The following EVA1A variants were observed in gnomAD, a reference collection of about 807,000 sequenced individuals.
The protein encoded by EVA1A is protein eva-1 homolog A.
EVA1A carries 7 observed loss-of-function variants against 9.8 expected under a neutral mutation model. That is an observed-to-expected ratio of 0.71 (90% CI 0.41 to 1.34). The LOEUF (loss-of-function observed/expected upper bound fraction) is 1.34. EVA1A is among the 40% of genes most tolerant of loss of function. The probability of loss-of-function intolerance (pLI) is 0.01; values close to 1 mark genes in which losing one functional copy is unlikely to be tolerated. For synonymous variants in EVA1A, 90 were observed against 85.6 expected (o/e 1.05, Z -0.28); for missense variants, 206 against 205.9 (o/e 1.00, Z 0.00).
Position 75,532,159 on chromosome 2 carries a change from CAAAAAAAAAAAA to C in EVA1A, c.-191-9684_-191-9673del, listed in dbSNP as rs543115764. On this transcript the variant is annotated intron_variant, in intron 1 of 3. Transcript: ENST00000393913. Reference sequence around the variant, plus strand: ...TGGGTGACAGAGTGAGACTCTGTCTCAAAAAAAAAAAAAAAAAAAAAAAAAAAAAGCTTATCC... The same window carrying C: ...TGGGTGACAGAGTGAGACTCTGTCTCAAAAAAAAAAAAAAAAAGCTTATCC... Among the ~76,000 whole-genome samples the C allele has an allele frequency of 5.4e-3, 311 of 57,854 alleles. 4 individuals carry two copies. The highest frequency in any genetic ancestry group is 0.019 in the Middle Eastern group (1 of 54). 38.0% of individuals were successfully genotyped at this position (57,854 alleles called of 152,430 possible). A position where few individuals can be genotyped will look rare whatever the true frequency, so the allele number is the denominator to read the frequency against.
At chr2:75,550,980 A>G (rs10173694) in intron 1 of EVA1A, among the ~76,000 whole-genome samples, 114,084 of 152,044 alleles carry the variant, frequency 0.75, 43,686 homozygotes, top group African/African-American at 0.9. Context: ...AAAATTAGCC[A>G]GGCATAGTAG....
In EVA1A at chr2:75,548,983, A is replaced by AAT. The variant is rs71403226; in HGVS notation, c.-192+11695_-192+11696dup. 7.3e-3 allele frequency among the ~76,000 whole-genome samples: 981 copies of AAT among 133,630 alleles called. 11 individuals carry two copies. The highest frequency in any genetic ancestry group is 0.015 in the East Asian group (68 of 4,660). The allele number at this position is 133,630 out of a possible 152,430, so 87.7% of individuals were successfully genotyped here. A position where few individuals can be genotyped will look rare whatever the true frequency, so the allele number is the denominator to read the frequency against. ...TGAACTGATGACTGGCTAAATGAAA[A>AAT]ATATATATATATATATATATATATA... On this transcript the variant is annotated intron_variant, in intron 1 of 3. Coordinates refer to ENST00000393913, the MANE Select transcript of EVA1A (RefSeq NM_001135032.2).
In EVA1A at chr2:75,493,110, C is replaced by A. The variant is rs1290648936; in HGVS notation, c.*126G>T. 6.7e-6 allele frequency: 9 copies of A among 1,347,078 alleles called. No homozygotes were observed. Among genetic ancestry groups the A allele is most frequent in the Middle Eastern group, 5.5e-4 (2 of 3,662 alleles). The allele number at this position is 1,347,078 out of a possible 1,614,324, so 83.4% of individuals were successfully genotyped here. ...GCAATCCTCCTGGCTAGAAAAGGGG[C>A]ATGTCCTGCTTTTTCTCTGAAATCA... On this transcript the variant is annotated 3_prime_UTR_variant, in exon 4 of 4. Coordinates refer to ENST00000393913, the MANE Select transcript of EVA1A (RefSeq NM_001135032.2).
chr2:75,530,270 TA>T lies in EVA1A; in HGVS notation c.-191-7784del, dbSNP rs549461473. Among the ~76,000 whole-genome samples, 321 of 143,818 alleles carry T rather than the reference TA, an allele frequency of 2.2e-3. 1 individual carries two copies. Among genetic ancestry groups the T allele is most frequent in the Non-Finnish European group, 2.9e-3 (189 of 64,996 alleles). 94.4% of individuals were successfully genotyped at this position (143,818 alleles called of 152,430 possible). A position where few individuals can be genotyped will look rare whatever the true frequency, so the allele number is the denominator to read the frequency against. On this transcript the variant is annotated intron_variant, in intron 1 of 3. Transcript: ENST00000393913. Reference sequence around the variant, plus strand: ...GAAACAATAACAAAAAAGTTGCCAATAAAAAAAAAAATCCAGGACCAGATGG... The same window carrying T: ...GAAACAATAACAAAAAAGTTGCCAATAAAAAAAAAATCCAGGACCAGATGG...
chr2:75,507,441 A>G (rs989459538), intron 3 of EVA1A, among the ~76,000 whole-genome samples: 1 of 152,080 alleles, frequency 6.6e-6, no homozygotes, highest in East Asian at 1.9e-4. Context: ...TTCCAAGTAG[A>G]ATTTCTAGAA....
chr2:75,497,785 A>G (rs1349529365), intron 3 of EVA1A, among the ~76,000 whole-genome samples: 1 of 133,902 alleles, frequency 7.5e-6, no homozygotes, highest in Non-Finnish European at 1.5e-5. Context: ...AGGGAAGTAG[A>G]GGCTACAGTG....
chr2:75,498,416 C>A (rs1415380578), intron 3 of EVA1A, among the ~76,000 whole-genome samples: 2 of 152,078 alleles, frequency 1.3e-5, no homozygotes, highest in South Asian at 4.2e-4. Context: ...CATTCGTACA[C>A]CAAACCTCAG....
At chr2:75,549,360 T>G (rs1009180363) in intron 1 of EVA1A, among the ~76,000 whole-genome samples, 1 of 152,142 alleles carries the variant, frequency 6.6e-6, no homozygotes. Context: ...CACACCTTCC[T>G]GGGGAAGCAC....
At chr2:75,517,844 G>C (rs535077497) in intron 3 of EVA1A, 2 of 734,090 alleles carry the variant, frequency 2.7e-6, no homozygotes, top group South Asian at 1.5e-5. Flanking sequence ...GCAAGACAAA[G>C]CTCTTAGAAC....
In EVA1A at chr2:75,505,348, C is replaced by T. The variant is rs146240773; in HGVS notation, c.86-11739G>A. Among the ~76,000 whole-genome samples, 328 of 152,288 alleles carry T rather than the reference C, an allele frequency of 2.2e-3. 2 individuals carry two copies. Among genetic ancestry groups the T allele is most frequent in the African/African-American group, 7.0e-3 (291 of 41,560 alleles). On this transcript the variant is annotated intron_variant, in intron 3 of 3. Transcript: ENST00000393913. Reference sequence around the variant, plus strand: ...CACGTGACAGTGAGGAATCTGAAGGCAGAATCCATATGATTGATTCACTTT... The same window carrying T: ...CACGTGACAGTGAGGAATCTGAAGGTAGAATCCATATGATTGATTCACTTT...
chr2:75,549,008 ATTTTTTTT>A (rs10552575), intron 1 of EVA1A, among the ~76,000 whole-genome samples: 1 of 85,380 alleles, frequency 1.2e-5, no homozygotes, highest in African/African-American at 3.7e-5. Flanking sequence ...ATATATATAT[ATTTTTTTT>A]TTTTTTACTA....
At chr2:75,523,751 T>C (rs1269330275) in intron 1 of EVA1A, among the ~76,000 whole-genome samples, 3 of 152,196 alleles carry the variant, frequency 2.0e-5, no homozygotes, top group African/African-American at 4.8e-5. Flanking sequence ...TTCTTATCTT[T>C]GTTCTCAGAG....
At chr2:75,503,967 G>A (rs577934801) in intron 3 of EVA1A, among the ~76,000 whole-genome samples, 10 of 152,148 alleles carry the variant, frequency 6.6e-5, no homozygotes, top group Admixed American at 1.3e-4. Flanking sequence ...AAAATTTCAC[G>A]TGTGCTCCAT....
At chr2:75,528,586 C>G (rs1223744980) in intron 1 of EVA1A, among the ~76,000 whole-genome samples, 1 of 152,202 alleles carries the variant, frequency 6.6e-6, no homozygotes, top group Non-Finnish European at 1.5e-5. Context: ...CTGAGAACCA[C>G]TGCCCCGTCC....
intron 1 of EVA1A, among the ~76,000 whole-genome samples, chr2:75,537,576 C>T (rs1675959066): frequency 6.6e-6 from 1 of 152,046 alleles, no homozygotes; most frequent in South Asian, 2.1e-4. Context: ...AGGAATTTAC[C>T]CAAAAAACCT....
At chr2:75,503,217 A>G (rs924861678) in intron 3 of EVA1A, among the ~76,000 whole-genome samples, 4 of 152,142 alleles carry the variant, frequency 2.6e-5, no homozygotes, top group African/African-American at 9.7e-5. Context: ...CTTTTCCCAC[A>G]AAATTCAAAA....
chr2:75,493,119 C>T lies in EVA1A; in HGVS notation c.*117G>A. 1 of 1,433,468 alleles carries T rather than the reference C, an allele frequency of 7.0e-7. No individual in the cohort carries two copies. Among genetic ancestry groups the T allele is most frequent in the Non-Finnish European group, 9.4e-7 (1 of 1,066,408 alleles). 88.8% of individuals were successfully genotyped at this position (1,433,468 alleles called of 1,614,324 possible). A position where few individuals can be genotyped will look rare whatever the true frequency, so the allele number is the denominator to read the frequency against. Reference sequence around the variant, plus strand: ...CTGGCTAGAAAAGGGGCATGTCCTGCTTTTTCTCTGAAATCACAATATTAG... The same window carrying T: ...CTGGCTAGAAAAGGGGCATGTCCTGTTTTTTCTCTGAAATCACAATATTAG... On this transcript the variant is annotated 3_prime_UTR_variant, in exon 4 of 4. Transcript: ENST00000393913.
intron 2 of EVA1A, among the ~76,000 whole-genome samples, chr2:75,521,272 T>C (rs1675221376): frequency 6.6e-6 from 1 of 152,204 alleles, no homozygotes. Flanking sequence ...GAAAATAGGA[T>C]GACTATTCCT....
chr2:75,533,252 GA>G (rs1675741405), intron 1 of EVA1A, among the ~76,000 whole-genome samples: 2 of 151,900 alleles, frequency 1.3e-5, no homozygotes, highest in African/African-American at 2.4e-5. Context: ...TAGCTATAGG[GA>G]AAAAACAATT....
Sources: gnomAD v4.1 joint callset for allele counts (sites outside exome capture counted in the v4.1 genomes callset) on GRCh38, gnomAD v4.1.1 for gene constraint, MANE v1.5 for transcripts, NCBI Gene and HGNC (gene_info 2026-07-23, HGNC 2026-07-21) for gene names.